ZNF44: variants seen among roughly 807,000 people sequenced by gnomAD.
The protein encoded by ZNF44 is gonadotropin inducible transcription repressor-2.
A neutral mutation model predicts 11.7 loss-of-function variants in ZNF44; 9 were observed. The observed-to-expected ratio is 0.77, with a 90% confidence interval of 0.46 to 1.35. The LOEUF is 1.35. ZNF44 is among the 40% of genes most tolerant of loss of function. The pLI, the probability that ZNF44 is intolerant of heterozygous loss-of-function variation, is 0.00. For synonymous variants in ZNF44, 224 were observed against 242.7 expected, an observed-to-expected ratio of 0.92 and a Z score of 0.72; for missense variants, 696 against 743.1, an observed-to-expected ratio of 0.94 and a Z score of 0.74.
At chr19:12,293,075 G>A (rs921703601) in intron 1 of ZNF44, among the ~76,000 whole-genome samples, 9 of 152,008 alleles carry the variant, frequency 5.9e-5, no homozygotes, top group Non-Finnish European at 1.3e-4. Flanking sequence ...TCACCATGTT[G>A]GCCAGGGTGG....
chr19:12,293,905 C>A (rs2145778618), intron 1 of ZNF44, among the ~76,000 whole-genome samples: 1 of 152,310 alleles, frequency 6.6e-6, no homozygotes, highest in African/African-American at 2.4e-5. Context: ...CACCGTGCAG[C>A]CTCCTCACCG....
intron 5 of ZNF44, among the ~76,000 whole-genome samples, chr19:12,259,682 A>G (rs915045961): frequency 6.6e-6 from 1 of 152,062 alleles, no homozygotes; most frequent in Admixed American, 6.5e-5. Context: ...CACTGTCATC[A>G]GGGTGAAGCA....
intron 1 of ZNF44, chr19:12,237,416 A>T: frequency 6.2e-6 from 1 of 160,034 alleles, no homozygotes; most frequent in Non-Finnish European, 1.4e-5. Context: ...GCAGGTCCCA[A>T]CCAGCCCCTC....
chr19:12,235,009 T>G (rs2145678844), intron 1 of ZNF44: 1 of 152,288 alleles, frequency 6.6e-6, no homozygotes, highest in African/African-American at 2.4e-5. Context: ...GAGAAGTGGG[T>G]TGCTGTTCCC....
intron 5 of ZNF44, among the ~76,000 whole-genome samples, chr19:12,265,337 A>G (rs547355382): frequency 1.3e-5 from 2 of 152,166 alleles, no homozygotes; most frequent in African/African-American, 4.8e-5. Flanking sequence ...GTAAGCCTTG[A>G]TCCCCCCAGT....
chr19:12,249,586 CTT>C (rs943175819), intron 7 of ZNF44, among the ~76,000 whole-genome samples: 4 of 151,770 alleles, frequency 2.6e-5, no homozygotes, highest in African/African-American at 9.7e-5. Flanking sequence ...GAGCTTCACT[CTT>C]GTTGCCCAGG....
intron 2 of ZNF44, among the ~76,000 whole-genome samples, chr19:12,232,826 G>C (rs983465578): frequency 6.6e-6 from 1 of 152,090 alleles, no homozygotes; most frequent in African/African-American, 2.4e-5. Flanking sequence ...TAACATCTGA[G>C]GGCTGTCCAA....
chr19:12,258,615 C>G (rs1024877643), intron 5 of ZNF44, among the ~76,000 whole-genome samples: 1 of 152,004 alleles, frequency 6.6e-6, no homozygotes. Context: ...GAATCACTTG[C>G]GGCCAGGAGT....
rs1002339857 is a variant in ZNF44, at chr19:12,294,779, C to A, written c.-85G>T. On this transcript the variant is annotated 5_prime_UTR_variant, in exon 1 of 4. Coordinates refer to ENST00000355684, the MANE Select transcript of ZNF44 (RefSeq NM_016264.4). The stretch of plus-strand genomic sequence containing the variant: ...GCGACAAAAGCCACCACAGATGTCC[C>A]AGGGCGTCTCTCAGTGACAGAATAC... The A allele has an allele frequency of 5.4e-6, 8 of 1,484,068 alleles. No homozygotes were observed. In the African/African-American group the frequency reaches 1.2e-4, roughly 21 times the overall value. 91.9% of individuals were successfully genotyped at this position (1,484,068 alleles called of 1,614,324 possible).
chr19:12,269,089 G>C (rs1349590898), downstream of ZNF44, among the ~76,000 whole-genome samples: 1 of 151,976 alleles, frequency 6.6e-6, no homozygotes, highest in African/African-American at 2.4e-5. Flanking sequence ...CAAGTAAATA[G>C]TTCATCCACA....
At chr19:12,294,443 G>A (rs1968156488) in intron 1 of ZNF44, among the ~76,000 whole-genome samples, 1 of 152,254 alleles carries the variant, frequency 6.6e-6, no homozygotes, top group Non-Finnish European at 1.5e-5. Flanking sequence ...GCGCGGAGCT[G>A]CCCAGAGAGG....
chr19:12,248,461 C>T (rs202148585), exon 8 of ZNF44: 388 of 1,290,920 alleles, frequency 3.0e-4, no homozygotes, highest in Non-Finnish European at 3.8e-4. Flanking sequence ...GGCTTCTCTC[C>T]ATATTCCTGA....
chr19:12,245,204 T>G (rs907554252), downstream of ZNF44, among the ~76,000 whole-genome samples: 4 of 152,230 alleles, frequency 2.6e-5, no homozygotes, highest in Admixed American at 1.3e-4. Flanking sequence ...ACTCATTATT[T>G]AGAATGTATA....
At chr19:12,257,661 C>A (rs139014648) in intron 5 of ZNF44, among the ~76,000 whole-genome samples, 1 of 115,188 alleles carries the variant, frequency 8.7e-6, no homozygotes, top group Non-Finnish European at 1.9e-5. Flanking sequence ...ATTAACCGGG[C>A]GTGGTGGCAG....
chr19:12,250,515 C>T (rs1285112310), intron 5 of ZNF44: 1 of 617,480 alleles, frequency 1.6e-6, no homozygotes, highest in Non-Finnish European at 2.4e-6. Context: ...AACTCTTTGG[C>T]CACACTCCCT....
intron 5 of ZNF44, among the ~76,000 whole-genome samples, chr19:12,261,333 A>G (rs1435539322): frequency 6.6e-6 from 1 of 152,194 alleles, no homozygotes; most frequent in Non-Finnish European, 1.5e-5. Flanking sequence ...TACAAGAACA[A>G]TGTTGAACAG....
At chr19:12,254,750 A>AATG (rs1418327405) in intron 5 of ZNF44, among the ~76,000 whole-genome samples, 1 of 151,650 alleles carries the variant, frequency 6.6e-6, no homozygotes, top group Admixed American at 6.6e-5. Context: ...TAATAATAAT[A>AATG]ATAATAAAAT....
At chr19:12,275,593 C>T (rs1967184906) in intron 2 of ZNF44, among the ~76,000 whole-genome samples, 2 of 152,070 alleles carry the variant, frequency 1.3e-5, no homozygotes. Flanking sequence ...TTGTAGTGAG[C>T]CAAGATGGAG....
At chr19:12,239,306 G>A (rs982210294), upstream of ZNF44, among the ~76,000 whole-genome samples, 8 of 151,680 alleles carry the variant, frequency 5.3e-5, no homozygotes, top group South Asian at 2.1e-4. Flanking sequence ...TATAGACGGG[G>A]TTTCACCATG....
Sources: allele counts gnomAD v4.1 joint callset (sites outside exome capture counted in the v4.1 genomes callset), GRCh38; gene constraint gnomAD v4.1.1; transcripts MANE v1.5; gene names NCBI Gene and HGNC (gene_info 2026-07-23, HGNC 2026-07-21).